Variants in LRRC4C observed in about 807,000 individuals in gnomAD.
LRRC4C encodes leucine-rich repeat-containing protein 4C.
Under a neutral mutation model 33.6 loss-of-function variants are expected in LRRC4C, and 5 were observed. That is an observed-to-expected ratio of 0.15 (90% confidence interval 0.08 to 0.31). The LOEUF (loss-of-function observed/expected upper bound fraction) is 0.31, where lower values mean the gene tolerates loss of function less well. Ranked by LOEUF, LRRC4C falls within the 10% of genes least tolerant of loss-of-function variation. The pLI, the probability that LRRC4C is intolerant of heterozygous loss-of-function variation, is 1.00. For missense variants in LRRC4C, 560 were observed against 796.7 expected, an observed-to-expected ratio of 0.70 and a Z score of 3.58; for synonymous variants, 329 against 302.0, an observed-to-expected ratio of 1.09 and a Z score of -0.93.
intron 1 of LRRC4C, among the ~76,000 whole-genome samples, chr11:41,275,089 T>C (rs1387599081): frequency 3.3e-5 from 5 of 152,110 alleles, no homozygotes; most frequent in Non-Finnish European, 7.4e-5. Flanking sequence ...CCTATCTTGC[T>C]CCCTCTCGCC....
intron 5 of LRRC4C, among the ~76,000 whole-genome samples, chr11:40,177,496 T>C (rs910630961): frequency 5.3e-5 from 8 of 152,098 alleles, no homozygotes; most frequent in Non-Finnish European, 1.0e-4. Flanking sequence ...CCAGTCACAC[T>C]GTACTCCTTG....
At chr11:41,444,693 G>A (rs1354597182) in intron 1 of LRRC4C, among the ~76,000 whole-genome samples, 1 of 152,088 alleles carries the variant, frequency 6.6e-6, no homozygotes, top group Non-Finnish European at 1.5e-5. Context: ...ATAAGCTTGA[G>A]TACAAAATTG....
At position 40,622,482 on chromosome 11, in the gene LRRC4C, T is replaced by A. The variant is rs116621761; in HGVS notation, c.-270+25660A>T. On this transcript the variant is annotated intron_variant, in intron 3 of 6. Transcript: ENST00000528697. ...AACAATTAGATTTCTCCCTTGGCTA[T>A]GAAAGAAGACTGGTTGAGAAAGATG... Among the ~76,000 whole-genome samples, 425 of 151,960 alleles carry A rather than the reference T, an allele frequency of 2.8e-3. 2 individuals carry two copies. Among genetic ancestry groups the A allele is most frequent in the African/African-American group, 9.8e-3 (406 of 41,524 alleles).
chr11:40,696,177 C>G (rs1483323705), intron 2 of LRRC4C, among the ~76,000 whole-genome samples: 1 of 146,852 alleles, frequency 6.8e-6, no homozygotes, highest in Non-Finnish European at 1.5e-5. Flanking sequence ...GAACAAAATT[C>G]TATCATTTGC....
chr11:40,704,751 A>T lies in LRRC4C; in HGVS notation c.-406-56473T>A, dbSNP rs545648381. Among the ~76,000 whole-genome samples, 3 of 152,320 alleles carry T rather than the reference A, an allele frequency of 2.0e-5. No homozygotes were observed. In the South Asian group the frequency reaches 6.2e-4, roughly 32 times the overall value. On this transcript the variant is annotated intron_variant, in intron 2 of 6. Transcript: ENST00000528697. The stretch of plus-strand genomic sequence containing the variant: ...TGCTTAGGCTAGTGCCTGATATGAT[A>T]CATTGTAAGTGCTCAATAAATATTA...
chr11:40,753,507 T>A (rs1371930831), intron 2 of LRRC4C, among the ~76,000 whole-genome samples: 1 of 150,440 alleles, frequency 6.6e-6, no homozygotes, highest in Non-Finnish European at 1.5e-5. Flanking sequence ...AAGTCCCATT[T>A]TCATACCCTG....
At chr11:41,202,438 C>A (rs1946435888) in intron 1 of LRRC4C, among the ~76,000 whole-genome samples, 1 of 152,160 alleles carries the variant, frequency 6.6e-6, no homozygotes, top group African/African-American at 2.4e-5. Flanking sequence ...CATAAATATT[C>A]TCTTTTATTA....
At chr11:41,185,091 A>G (rs571355718) in intron 1 of LRRC4C, among the ~76,000 whole-genome samples, 7 of 152,234 alleles carry the variant, frequency 4.6e-5, no homozygotes, top group African/African-American at 1.4e-4. Flanking sequence ...ACACATGGGA[A>G]TTGTGGGAGT....
intron 1 of LRRC4C, among the ~76,000 whole-genome samples, chr11:41,122,004 TA>T (rs977084931): frequency 6.6e-6 from 1 of 151,450 alleles, no homozygotes; most frequent in African/African-American, 2.4e-5. Flanking sequence ...CTGGGATAAA[TA>T]AAGAAAAATG....
Position 40,699,683 on chromosome 11 carries a change from G to T in LRRC4C, c.-406-51405C>A, listed in dbSNP as rs538986711. On this transcript the variant is annotated intron_variant, in intron 2 of 6. Coordinates refer to ENST00000528697, the MANE Select transcript of LRRC4C (RefSeq NM_001258419.2). ...TGCTAGGTGCTGGTGACACAACAAAGAAATACACACACACACATATAATTT... is the reference window on the plus strand; with the variant it reads ...TGCTAGGTGCTGGTGACACAACAAATAAATACACACACACACATATAATTT... Among the ~76,000 whole-genome samples the T allele has an allele frequency of 1.4e-4, 22 of 152,176 alleles. No homozygotes were observed. In the South Asian group the frequency reaches 4.6e-3, roughly 32 times the overall value.
chr11:41,246,604 C>T (rs1948462375), intron 1 of LRRC4C, among the ~76,000 whole-genome samples: 1 of 152,202 alleles, frequency 6.6e-6, no homozygotes, highest in Non-Finnish European at 1.5e-5. Flanking sequence ...GCCCCAGCCA[C>T]GCCTCCCCCA....
chr11:40,180,945 T>A (rs1250794288), intron 5 of LRRC4C, among the ~76,000 whole-genome samples: 1 of 152,220 alleles, frequency 6.6e-6, no homozygotes, highest in Non-Finnish European at 1.5e-5. Context: ...TTTTCTCTGA[T>A]AATCACCACA....
intron 3 of LRRC4C, among the ~76,000 whole-genome samples, chr11:40,466,547 T>C (rs1952661320): frequency 6.6e-6 from 1 of 151,930 alleles, no homozygotes; most frequent in African/African-American, 2.4e-5. Flanking sequence ...TAATATTATG[T>C]ATACTTTTTC....
chr11:41,025,380 A>G (rs77466486), intron 1 of LRRC4C, among the ~76,000 whole-genome samples: 6,403 of 151,824 alleles, frequency 0.042, 177 homozygotes, highest in South Asian at 0.099. Flanking sequence ...ATGATAAGAA[A>G]ATGAAACAGC....
intron 1 of LRRC4C, among the ~76,000 whole-genome samples, chr11:41,044,894 C>T (rs1428242393): frequency 6.6e-6 from 1 of 152,120 alleles, no homozygotes; most frequent in Admixed American, 6.5e-5. Context: ...GCCATGGGAG[C>T]ATTGCAGTAC....
intron 1 of LRRC4C, among the ~76,000 whole-genome samples, chr11:41,280,736 TA>T (rs1949636886): frequency 6.6e-6 from 1 of 152,130 alleles, no homozygotes; most frequent in Non-Finnish European, 1.5e-5. Context: ...AGTACCACAA[TA>T]AATCTTGACA....
intron 2 of LRRC4C, among the ~76,000 whole-genome samples, chr11:40,814,416 AG>A: frequency 6.6e-6 from 1 of 152,084 alleles, no homozygotes; most frequent in East Asian, 1.9e-4. Flanking sequence ...TGCACACAGT[AG>A]GGGGACCCTG....
At chr11:40,116,547 A>G (rs1301000836) in intron 6 of LRRC4C, among the ~76,000 whole-genome samples, 3 of 152,188 alleles carry the variant, frequency 2.0e-5, no homozygotes, top group African/African-American at 4.8e-5. Flanking sequence ...CATGAGATGT[A>G]TGACCACAGA....
rs1413573188 is a variant in LRRC4C at position 40,654,711 on chromosome 11, T to C, written c.-406-6433A>G. On this transcript the variant is annotated intron_variant, in intron 2 of 6. Transcript: ENST00000528697. ...CTTTGGGGGACTGTTGGAAGGGCAT[T>C]ATTGTTTCTTAAGTTGAGGCCATGA... Among the ~76,000 whole-genome samples, 5 of 152,146 alleles carry C rather than the reference T, an allele frequency of 3.3e-5. No homozygotes were observed. In the East Asian group the frequency reaches 5.8e-4, roughly 18 times the overall value.
Sources: gnomAD v4.1 joint callset for allele counts (sites outside exome capture counted in the v4.1 genomes callset) on GRCh38, gnomAD v4.1.1 for gene constraint, MANE v1.5 for transcripts, NCBI Gene and HGNC (gene_info 2026-07-23, HGNC 2026-07-21) for gene names.